The following RAB11A variants were observed in gnomAD, a reference collection of about 807,000 sequenced individuals.
The protein encoded by RAB11A is RAB11A, member RAS oncogene family, also known as ras-related protein Rab-11A.
In RAB11A, 9 loss-of-function variants were observed where a neutral mutation model predicts 28.0. The ratio of observed to expected loss-of-function variants is 0.32; its 90% CI spans 0.19 to 0.56. The LOEUF (loss-of-function observed/expected upper bound fraction) is 0.56, where lower values mean the gene tolerates loss of function less well. Ranked by LOEUF, RAB11A falls within the 20% of genes least tolerant of loss-of-function variation. The pLI, the probability that RAB11A is intolerant of heterozygous loss-of-function variation, is 0.91. For missense variants in RAB11A, 108 were observed against 269.6 expected (o/e 0.40, Z 4.20); for synonymous variants, 85 against 88.2 (o/e 0.96, Z 0.20).
In RAB11A at chr15:65,877,075, C is replaced by T. The variant is rs769919293; in HGVS notation, c.41-257C>T. The stretch of plus-strand genomic sequence containing the variant: ...AAACTGCATGTTTAAGACAGGGTAC[C>T]GTATCTGTGCTAAGCAGATGATATG... On this transcript the variant is annotated intron_variant, in intron 1 of 4. Coordinates refer to ENST00000261890, the MANE Select transcript of RAB11A (RefSeq NM_004663.5). This position sits in a 1 kb window ranked among gnomAD's most constrained non-coding sequence, Gnocchi z 4.1. Among the ~76,000 whole-genome samples, 6 of 152,146 alleles carry T rather than the reference C, an allele frequency of 3.9e-5. No homozygotes were observed. Among genetic ancestry groups the T allele is most frequent in the Non-Finnish European group, 7.4e-5 (5 of 68,022 alleles).
At chr15:65,878,131 C>A (rs905157488) in intron 3 of RAB11A, 176 bp downstream of exon 3, 5 of 701,766 alleles carry the variant, frequency 7.1e-6, no homozygotes, top group Admixed American at 4.5e-5. Flanking sequence ...CATTAAAACA[C>A]TAATATTTTG....
intron 4 of RAB11A, among the ~76,000 whole-genome samples, chr15:65,886,096 T>C (rs1250535618): frequency 6.6e-6 from 1 of 152,222 alleles, no homozygotes; most frequent in African/African-American, 2.4e-5. Context: ...TTCAGCTTCA[T>C]CCTGTGCCAG....
Position 65,888,469 on chromosome 15 carries a change from AAGATTGT to A in RAB11A, c.*630_*636del, listed in dbSNP as rs1400442355. The stretch of plus-strand genomic sequence containing the variant: ...TGGAGAATTCTCTTAGTAAACACAA[AAGATTGT>A]TACGGTTTCATTAGTAGTATGGTTG... On this transcript the variant is annotated 3_prime_UTR_variant, in exon 5 of 5. Transcript: ENST00000261890. The A allele has an allele frequency of 6.6e-6, 1 of 152,486 alleles. No individual in the cohort carries two copies. The highest frequency in any genetic ancestry group is 1.9e-4 in the East Asian group (1 of 5,198). The allele number at this position is 152,486 out of a possible 1,614,324, so 9.4% of individuals were successfully genotyped here. A position where few individuals can be genotyped will look rare whatever the true frequency, so the allele number is the denominator to read the frequency against.
chr15:65,873,144 G>C (rs930635058), intron 1 of RAB11A, among the ~76,000 whole-genome samples: 2 of 152,120 alleles, frequency 1.3e-5, no homozygotes, highest in African/African-American at 4.8e-5. Flanking sequence ...TTTGGTGGGA[G>C]GGAATTAGTT....
intron 4 of RAB11A, among the ~76,000 whole-genome samples, chr15:65,885,045 T>C (rs1370937139): frequency 6.8e-6 from 1 of 146,688 alleles, no homozygotes; most frequent in Non-Finnish European, 1.5e-5. Context: ...CACTGCTCAC[T>C]GAGTGAGACT....
At chr15:65,874,743 A>G (rs1011615832) in intron 1 of RAB11A, among the ~76,000 whole-genome samples, 19 of 152,062 alleles carry the variant, frequency 1.2e-4, no homozygotes, top group African/African-American at 4.6e-4. Context: ...GAGGAAACCA[A>G]AACTTGAAAG....
Position 65,889,166 on chromosome 15 carries a change from C to G in RAB11A, c.*1326C>G, listed in dbSNP as rs1016777251. 1.3e-5 allele frequency: 2 copies of G among 152,588 alleles called. No individual in the cohort carries two copies. The highest frequency in any genetic ancestry group is 1.3e-4 in the Admixed American group (2 of 15,282). 9.5% of individuals were successfully genotyped at this position (152,588 alleles called of 1,614,324 possible). On this transcript the variant is annotated 3_prime_UTR_variant, in exon 5 of 5. Coordinates refer to ENST00000261890, the MANE Select transcript of RAB11A (RefSeq NM_004663.5). ...GATACTATTCAGGATGGTGGGAAAT[C>G]CCCAAAAATATGTATGTGTGGGCTT...
chr15:65,872,333 C>T (rs1230239871), intron 1 of RAB11A, among the ~76,000 whole-genome samples: 2 of 151,386 alleles, frequency 1.3e-5, no homozygotes, highest in Non-Finnish European at 2.9e-5. Flanking sequence ...AAACTAGGAA[C>T]TTCGAATGCA....
intron 1 of RAB11A, among the ~76,000 whole-genome samples, chr15:65,875,014 C>T (rs1441684065): frequency 6.6e-6 from 1 of 152,060 alleles, no homozygotes; most frequent in Non-Finnish European, 1.5e-5. Flanking sequence ...TGCCGTGGCA[C>T]TCCAGCCTGG....
At chr15:65,887,639 C>A in intron 4 of RAB11A, 62 bp from the exon 5 acceptor site, 1 of 1,464,136 alleles carries the variant, frequency 6.8e-7, no homozygotes, top group Non-Finnish European at 9.2e-7. Context: ...CTTTATGTAT[C>A]TTTTATCCTA....
At position 65,877,708 on chromosome 15, in the gene RAB11A, G is replaced by A. The variant is rs1472894245; in HGVS notation, c.237-54G>A. On this transcript the variant is annotated intron_variant, in intron 2 of 4. Transcript: ENST00000261890. The surrounding 1 kb of genome is among the most constrained non-coding windows in gnomAD (Gnocchi z 4.1). ...ATGATCCATATTTTGAGTTCTTCCT[G>A]GTGTTTGCTTCCATCTTGTGGTTTT... 5 of 1,438,890 alleles carry A rather than the reference G, an allele frequency of 3.5e-6. No individual in the cohort carries two copies. Among genetic ancestry groups the A allele is most frequent in the African/African-American group, 1.4e-5 (1 of 69,866 alleles). The allele number at this position is 1,438,890 out of a possible 1,614,324, so 89.1% of individuals were successfully genotyped here.
In RAB11A at chr15:65,877,653, A is replaced by C. The variant is rs763805730; in HGVS notation, c.237-109A>C. ...AATTCTAGTATTAGGAATCCTTAGA[A>C]ATTTATTTATAAGTATGTTTTTAAA... On this transcript the variant is annotated intron_variant, in intron 2 of 4. Coordinates refer to ENST00000261890, the MANE Select transcript of RAB11A (RefSeq NM_004663.5). This position sits in a 1 kb window ranked among gnomAD's most constrained non-coding sequence, Gnocchi z 4.1. The C allele has an allele frequency of 3.0e-6, 4 of 1,334,020 alleles. No individual in the cohort carries two copies. Among genetic ancestry groups the C allele is most frequent in the Non-Finnish European group, 4.1e-6 (4 of 982,962 alleles). 82.6% of individuals were successfully genotyped at this position (1,334,020 alleles called of 1,614,324 possible). A position where few individuals can be genotyped will look rare whatever the true frequency, so the allele number is the denominator to read the frequency against.
chr15:65,869,714 C>G, intron 1 of RAB11A, 89 bp downstream of exon 1: 1 of 1,347,916 alleles, frequency 7.4e-7, no homozygotes. Context: ...CACCCCTGCA[C>G]TGATATAGGC....
chr15:65,870,883 A>C (rs942693066), intron 1 of RAB11A, among the ~76,000 whole-genome samples: 2 of 152,058 alleles, frequency 1.3e-5, no homozygotes, highest in Non-Finnish European at 2.9e-5. Flanking sequence ...TTTTTAATCA[A>C]CGAAGATAAA....
At chr15:65,871,000 A>G (rs2078157367) in intron 1 of RAB11A, among the ~76,000 whole-genome samples, 1 of 152,158 alleles carries the variant, frequency 6.6e-6, no homozygotes, top group Admixed American at 6.6e-5. Context: ...GAAGGTAGCC[A>G]TCAGTAGTGT....
intron 1 of RAB11A, among the ~76,000 whole-genome samples, chr15:65,870,435 T>C (rs2078152742): frequency 6.6e-6 from 1 of 152,218 alleles, no homozygotes; most frequent in Admixed American, 6.5e-5. Flanking sequence ...CCCGGCAGGC[T>C]GACATTACTT....
intron 4 of RAB11A, among the ~76,000 whole-genome samples, chr15:65,887,354 G>A (rs1428817676): frequency 6.6e-6 from 1 of 151,890 alleles, no homozygotes; most frequent in African/African-American, 2.4e-5. Flanking sequence ...TTGTATTTTT[G>A]TAGAGACAGG....
At chr15:65,887,177 CTT>C (rs35164022) in intron 4 of RAB11A, among the ~76,000 whole-genome samples, 15 of 141,276 alleles carry the variant, frequency 1.1e-4, no homozygotes, top group Admixed American at 2.8e-4. Flanking sequence ...TGGCTTACCT[CTT>C]TTTTTTTTTT....
Position 65,877,232 on chromosome 15 carries a change from T to G in RAB11A, c.41-100T>G. ...AAGTCATATACCTTATTTTTCTTGC[T>G]TTATTTACTCTGAAGCCAAACTTCA... On this transcript the variant is annotated intron_variant, in intron 1 of 4. Transcript: ENST00000261890. This position sits in a 1 kb window ranked among gnomAD's most constrained non-coding sequence, Gnocchi z 4.1. The G allele has an allele frequency of 9.8e-7, 1 of 1,017,122 alleles. No homozygotes were observed. The highest frequency in any genetic ancestry group is 1.4e-6 in the Non-Finnish European group (1 of 700,818). 63.0% of individuals were successfully genotyped at this position (1,017,122 alleles called of 1,614,324 possible). A position where few individuals can be genotyped will look rare whatever the true frequency, so the allele number is the denominator to read the frequency against.
Sources: allele counts gnomAD v4.1 joint callset (sites outside exome capture counted in the v4.1 genomes callset), GRCh38; gene constraint gnomAD v4.1.1; non-coding constraint Gnocchi (gnomAD v3.1); transcripts MANE v1.5; gene names NCBI Gene and HGNC (gene_info 2026-07-23, HGNC 2026-07-21).